TIE1: variants seen among roughly 807,000 people sequenced by gnomAD.
TIE1 encodes the protein tyrosine kinase with immunoglobulin like and EGF like domains 1.
A neutral mutation model predicts 130.5 loss-of-function variants in TIE1; 89 were observed. The observed-to-expected ratio is 0.68, with a 90% CI of 0.57 to 0.81. TIE1 has a LOEUF of 0.81. TIE1 is among the 40% of genes least tolerant of loss of function. TIE1 has a pLI of 0.00. For synonymous variants in TIE1, 568 were observed against 629.4 expected, an observed-to-expected ratio of 0.90 and a Z score of 1.46; for missense variants, 1,392 against 1,559.8, an observed-to-expected ratio of 0.89 and a Z score of 1.81.
Position 43,317,713 on chromosome 1 carries a change from C to A in TIE1, c.2731+39C>A. ...TCATCACCTACCCCTTCTTCCAAAC[C>A]CCCATCCTCAGCCATCACCTCCACC... is the stretch of plus-strand genomic sequence containing the variant. On this transcript the variant is annotated intron_variant, in intron 16 of 22. Coordinates refer to ENST00000372476, the MANE Select transcript of TIE1 (RefSeq NM_005424.5). The surrounding 1 kb of genome is among the most constrained non-coding windows in gnomAD (Gnocchi z 5.1). 2 of 1,533,996 alleles carry A rather than the reference C, an allele frequency of 1.3e-6. No homozygotes were observed. Among genetic ancestry groups the A allele is most frequent in the Non-Finnish European group, 1.8e-6 (2 of 1,128,998 alleles).
Position 43,318,100 on chromosome 1 carries a change from C to G in TIE1, c.2922+28C>G. The stretch of plus-strand genomic sequence containing the variant: ...GTGTGTGAGTGGGGGCGGGTGGAGG[C>G]CAGAGGGGGAAGCCACTGGGCTGGT... On this transcript the variant is annotated intron_variant, in intron 17 of 22. Transcript: ENST00000372476. This position sits in a 1 kb window ranked among gnomAD's most constrained non-coding sequence, Gnocchi z 4.4. 6.6e-7 allele frequency: 1 copy of G among 1,516,996 alleles called. No homozygotes were observed. Among genetic ancestry groups the G allele is most frequent in the Non-Finnish European group, 8.8e-7 (1 of 1,133,466 alleles). 94.0% of individuals were successfully genotyped at this position (1,516,996 alleles called of 1,614,324 possible). A position where few individuals can be genotyped will look rare whatever the true frequency, so the allele number is the denominator to read the frequency against.
At position 43,307,589 on chromosome 1, in the gene TIE1, C is replaced by G; in HGVS notation, c.913+17C>G. 1.2e-6 allele frequency: 2 copies of G among 1,613,928 alleles called. No homozygotes were observed. Among genetic ancestry groups the G allele is most frequent in the South Asian group, 1.1e-5 (1 of 91,074 alleles). ...GCCAAGAAGGTATGCCTAACCTACC[C>G]TCATGGTCCCTGACCAAGACAGCTG... On this transcript the variant is annotated intron_variant, in intron 6 of 22. Transcript: ENST00000372476. This position sits in a 1 kb window ranked among gnomAD's most constrained non-coding sequence, Gnocchi z 5.4.
Position 43,322,752 on chromosome 1 carries a change from TGGCC to T in TIE1, c.*33_*36del. Reference sequence around the variant, plus strand: ...CCATCCAGCCAGAACGTGGCTCTGCTGGCCGGAGCAAACTCTGCTGTCTAACCTG... The same window carrying T: ...CCATCCAGCCAGAACGTGGCTCTGCTGGAGCAAACTCTGCTGTCTAACCTG... On this transcript the variant is annotated 3_prime_UTR_variant, in exon 23 of 23. Coordinates refer to ENST00000372476, the MANE Select transcript of TIE1 (RefSeq NM_005424.5). This position sits in a 1 kb window ranked among gnomAD's most constrained non-coding sequence, Gnocchi z 4.0. 6.2e-7 allele frequency: 1 copy of T among 1,608,244 alleles called. No homozygotes were observed. The highest frequency in any genetic ancestry group is 8.5e-7 in the Non-Finnish European group (1 of 1,176,592).
chr1:43,305,448 G>T, intron 3 of TIE1, 105 bp downstream of exon 3: 1 of 1,034,480 alleles, frequency 9.7e-7, no homozygotes, highest in African/African-American at 1.6e-5. Context: ...TGACACACCC[G>T]ACCTCCAGGG....
chr1:43,311,674 C>G lies in TIE1; in HGVS notation c.1337C>G (p.Pro446Arg). The G allele has an allele frequency of 6.2e-7, 1 of 1,611,940 alleles. No homozygotes were observed. The highest frequency in any genetic ancestry group is 8.5e-7 in the Non-Finnish European group (1 of 1,179,312). Residue 446 changes from proline (P) to arginine (R), a missense_variant, in exon 10 of 23, where the codon CCC becomes CGC. Pro to Arg is a moderately radical substitution (Grantham distance 103). Around this residue, in one of 6 missense-constraint regions of TIE1, gnomAD observed 551 missense variants for 565.5 expected, o/e 0.97. Transcript: ENST00000372476. Reference sequence around the variant, plus strand: ...CTTACCCTGAGTCTCCTGGCAGTGCCCCCCGTGCCCCTGGCTGCACCTCGG... The same window carrying G: ...CTTACCCTGAGTCTCCTGGCAGTGCGCCCCGTGCCCCTGGCTGCACCTCGG... ...SRRFKVNVKVPPVPLAAPRLL... is the reference protein window; with the variant it reads ...SRRFKVNVKVRPVPLAAPRLL...
chr1:43,304,837 T>C lies in TIE1; in HGVS notation c.59-14T>C. The C allele has an allele frequency of 7.1e-7, 1 of 1,414,516 alleles. No homozygotes were observed. The highest frequency in any genetic ancestry group is 9.2e-7 in the Non-Finnish European group (1 of 1,091,330). The allele number at this position is 1,414,516 out of a possible 1,614,324, so 87.6% of individuals were successfully genotyped here. A position where few individuals can be genotyped will look rare whatever the true frequency, so the allele number is the denominator to read the frequency against. On this transcript the variant is annotated splice_polypyrimidine_tract_variant and intron_variant, in intron 1 of 22. Coordinates refer to ENST00000372476, the MANE Select transcript of TIE1 (RefSeq NM_005424.5). ...GCTGGGACTACAATAGAGTCACTGG[T>C]GTCCTGGCCCCAGGCGCGGCGGTGG...
At position 43,318,014 on chromosome 1, in the gene TIE1, A is replaced by G; in HGVS notation, c.2864A>G (p.Gln955Arg). The G allele has an allele frequency of 1.9e-6, 3 of 1,593,784 alleles. No individual in the cohort carries two copies. Among genetic ancestry groups the G allele is most frequent in the Non-Finnish European group, 2.6e-6 (3 of 1,169,424 alleles). Residue 955 changes from glutamine to arginine, a missense_variant, in exon 17 of 23, where the codon CAG (glutamine) becomes CGG (arginine). Physicochemically the swap from Gln to Arg is conservative, Grantham distance 43 (BLOSUM62 1). This residue lies in a region of TIE1 where 286 missense variants were observed against 354.4 expected (regional missense o/e 0.81). Coordinates refer to ENST00000372476, the MANE Select transcript of TIE1 (RefSeq NM_005424.5). The surrounding 1 kb of genome is among the most constrained non-coding windows in gnomAD (Gnocchi z 4.4). ...HGTASTLSSR[Q>R]LLRFASDAAN... ...ACAGCCTCTACCCTTAGCTCCCGGC[A>G]GCTGCTGCGTTTCGCCAGTGATGCG...
chr1:43,313,905 C>G lies in TIE1; in HGVS notation c.2346C>G (p.Thr782=), dbSNP rs2153912164. ...TCACCATCCTGGCTGCCCTTTTAAC[C>G]CTGGTGTGCATCCGCAGAAGCTGCC... ...TCLTILAALL[T]LVCIRRSCLH... Residue 782 remains threonine, a synonymous_variant, in exon 14 of 23, where the codon ACC becomes ACG. Transcript: ENST00000372476. This position sits in a 1 kb window ranked among gnomAD's most constrained non-coding sequence, Gnocchi z 6.2. 6.2e-7 allele frequency: 1 copy of G among 1,614,148 alleles called. No individual in the cohort carries two copies. Among genetic ancestry groups the G allele is most frequent in the Non-Finnish European group, 8.5e-7 (1 of 1,180,026 alleles).
intron 1 of TIE1, among the ~76,000 whole-genome samples, 190 bp from the exon 2 acceptor site, chr1:43,304,661 G>A (rs931444807): frequency 6.6e-6 from 1 of 151,700 alleles, no homozygotes; most frequent in African/African-American, 2.4e-5. Flanking sequence ...AAAGGAGGGG[G>A]ATGGGAATGC....
At position 43,316,027 on chromosome 1, in the gene TIE1, T is replaced by C. The variant is rs1480135193; in HGVS notation, c.2410-1172T>C. Among the ~76,000 whole-genome samples the C allele has an allele frequency of 6.6e-6, 1 of 152,000 alleles. No homozygotes were observed. Among genetic ancestry groups the C allele is most frequent in the Non-Finnish European group, 1.5e-5 (1 of 67,978 alleles). ...TGAGCTGAGATCGTGCCATTGCCCT[T>C]CCGCCTGGGCAACAGAGCGAGACCT... is the stretch of plus-strand genomic sequence containing the variant. On this transcript the variant is annotated intron_variant, in intron 14 of 22. Coordinates refer to ENST00000372476, the MANE Select transcript of TIE1 (RefSeq NM_005424.5). This position sits in a 1 kb window ranked among gnomAD's most constrained non-coding sequence, Gnocchi z 4.4.
intron 1 of TIE1, among the ~76,000 whole-genome samples, chr1:43,304,271 A>G (rs1646700138): frequency 1.3e-5 from 2 of 152,116 alleles, no homozygotes; most frequent in African/African-American, 4.8e-5. Context: ...TCTGGCTGCA[A>G]AACTCAGCCT....
At position 43,309,377 on chromosome 1, in the gene TIE1, AT is replaced by A; in HGVS notation, c.1189-10del. On this transcript the variant is annotated splice_polypyrimidine_tract_variant and intron_variant, in intron 8 of 22. Transcript: ENST00000372476. This position sits in a 1 kb window ranked among gnomAD's most constrained non-coding sequence, Gnocchi z 6.3. ...TCCCTGTGACCTGTCCCCTTCCCCC[AT>A]CTCTTTTAGTCCACCAAGGCCATTG... The A allele has an allele frequency of 6.4e-7, 1 of 1,573,528 alleles. No homozygotes were observed. The highest frequency in any genetic ancestry group is 8.6e-7 in the Non-Finnish European group (1 of 1,163,246).
chr1:43,301,641 C>T (rs1017992108), intron 1 of TIE1, among the ~76,000 whole-genome samples: 2 of 151,406 alleles, frequency 1.3e-5, no homozygotes, highest in African/African-American at 2.4e-5. Context: ...GGAGGCCGAG[C>T]GGGTGGATCA....
chr1:43,301,899 T>C (rs1646674623), intron 1 of TIE1, among the ~76,000 whole-genome samples: 1 of 152,182 alleles, frequency 6.6e-6, no homozygotes, highest in African/African-American at 2.4e-5. Flanking sequence ...ATTTATTTTA[T>C]ATGCATTTCA....
At chr1:43,308,585 G>C (rs1646755114) in intron 7 of TIE1, among the ~76,000 whole-genome samples, 1 of 150,854 alleles carries the variant, frequency 6.6e-6, no homozygotes, top group Admixed American at 6.6e-5. Context: ...GATGGGGCAA[G>C]AGGGAATTGT....
rs1260712167 is a variant in TIE1, at chr1:43,309,343, G to A, written c.1189-45G>A. Reference sequence around the variant, plus strand: ...CGGACACCTGGGTGCCTGCCACAGAGGTGCCCGTTCCCTGTGACCTGTCCC... The same window carrying A: ...CGGACACCTGGGTGCCTGCCACAGAAGTGCCCGTTCCCTGTGACCTGTCCC... On this transcript the variant is annotated intron_variant, in intron 8 of 22. Coordinates refer to ENST00000372476, the MANE Select transcript of TIE1 (RefSeq NM_005424.5). The surrounding 1 kb of genome is among the most constrained non-coding windows in gnomAD (Gnocchi z 6.3). 3 of 1,542,230 alleles carry A rather than the reference G, an allele frequency of 1.9e-6. No homozygotes were observed. The highest frequency in any genetic ancestry group is 4.5e-5 in the East Asian group (2 of 44,446).
At position 43,312,632 on chromosome 1, in the gene TIE1, T is replaced by C; in HGVS notation, c.1927+31T>C. 1 of 1,562,120 alleles carries C rather than the reference T, an allele frequency of 6.4e-7. No individual in the cohort carries two copies. On this transcript the variant is annotated intron_variant, in intron 12 of 22. Coordinates refer to ENST00000372476, the MANE Select transcript of TIE1 (RefSeq NM_005424.5). The surrounding 1 kb of genome is among the most constrained non-coding windows in gnomAD (Gnocchi z 5.6). ...TGCAAGGCGCAAGGATAGCTGGGGG[T>C]TGGGGGAGGACGTGGGACACAGGGA...
intron 19 of TIE1, 141 bp from the exon 20 acceptor site, chr1:43,321,128 C>T (rs111977859): frequency 5.2e-4 from 445 of 847,716 alleles, no homozygotes; most frequent in Non-Finnish European, 8.5e-4. Context: ...GGCGCAGAGA[C>T]AACAGCTGGC....
Position 43,319,655 on chromosome 1 carries a change from C to T in TIE1, c.3107+126C>T. On this transcript the variant is annotated intron_variant, in intron 19 of 22. Coordinates refer to ENST00000372476, the MANE Select transcript of TIE1 (RefSeq NM_005424.5). The surrounding 1 kb of genome is among the most constrained non-coding windows in gnomAD (Gnocchi z 4.7). ...GACCTGGGCTGTGTTCCAGGTGTGA[C>T]ACAGGTGTGTCTTGGGTATAAAGTA... The T allele has an allele frequency of 2.1e-6, 2 of 971,116 alleles. No homozygotes were observed. Among genetic ancestry groups the T allele is most frequent in the Admixed American group, 1.9e-5 (1 of 52,136 alleles). The allele number at this position is 971,116 out of a possible 1,614,324, so 60.2% of individuals were successfully genotyped here. A position where few individuals can be genotyped will look rare whatever the true frequency, so the allele number is the denominator to read the frequency against.
Sources: allele counts gnomAD v4.1 joint callset (sites outside exome capture counted in the v4.1 genomes callset), GRCh38; gene constraint gnomAD v4.1.1; regional missense constraint gnomAD v4.1.1; non-coding constraint Gnocchi (gnomAD v3.1); transcripts MANE v1.5; gene names NCBI Gene and HGNC (gene_info 2026-07-23, HGNC 2026-07-21).